SLC26A9: variants seen among roughly 807,000 people sequenced by gnomAD.
SLC26A9 encodes anion transporter/exchanger protein 9.
SLC26A9 carries 46 observed loss-of-function variants against 87.1 expected under a neutral mutation model. The ratio of observed to expected loss-of-function variants is 0.53; its 90% confidence interval spans 0.42 to 0.67. The LOEUF is 0.67. Among genes scored for constraint, SLC26A9 ranks in the 30% least tolerant of loss-of-function variants. The pLI is 0.00. For missense variants in SLC26A9, 927 were observed against 1,018.3 expected, an observed-to-expected ratio of 0.91 and a Z score of 1.22; for synonymous variants, 437 against 409.1, an observed-to-expected ratio of 1.07 and a Z score of -0.82.
At position 205,920,275 on chromosome 1, in the gene SLC26A9, C is replaced by T. The variant is rs576080341; in HGVS notation, c.2056-45G>A. On this transcript the variant is annotated intron_variant, in intron 17 of 20. Coordinates refer to ENST00000367135, the MANE Select transcript of SLC26A9 (RefSeq NM_052934.4). ...AGGGAGGCAAAAGGAAAGGAATGTT[C>T]TGAGTGGGTCTCAAAAGTGATTCAC... 37 of 1,610,640 alleles carry T rather than the reference C, an allele frequency of 2.3e-5. No homozygotes were observed. In the East Asian group the frequency reaches 6.5e-4, roughly 28 times the overall value.
Position 205,915,089 on chromosome 1 carries a change from T to G in SLC26A9, c.*268A>C. The G allele has an allele frequency of 6.2e-7, 1 of 1,613,948 alleles. No homozygotes were observed. Among genetic ancestry groups the G allele is most frequent in the South Asian group, 1.1e-5 (1 of 91,038 alleles). On this transcript the variant is annotated 3_prime_UTR_variant, in exon 21 of 21. Transcript: ENST00000367135. The stretch of plus-strand genomic sequence containing the variant: ...GGTGGGGTGGAGTGAGCAGGAGGCT[T>G]GTCCATTGCGGCCAGGGCCTGACGG...
chr1:205,921,136 T>C (rs1658808887), intron 17 of SLC26A9, among the ~76,000 whole-genome samples: 1 of 152,272 alleles, frequency 6.6e-6, no homozygotes, highest in African/African-American at 2.4e-5. Flanking sequence ...GTGGGCTCTC[T>C]GTTTGGCCTG....
At chr1:205,928,149 G>T in intron 8 of SLC26A9, 100 bp from the exon 9 acceptor site, 1 of 1,416,398 alleles carries the variant, frequency 7.1e-7, no homozygotes. Context: ...CCCCCATGGT[G>T]TGCCGGGATC....
intron 1 of SLC26A9, among the ~76,000 whole-genome samples, chr1:205,938,870 A>G (rs1659624833): frequency 6.6e-6 from 1 of 152,184 alleles, no homozygotes. Context: ...TTTGGGAGGA[A>G]AGCGGCAGGG....
At chr1:205,932,851 T>C (rs1659361345) in intron 3 of SLC26A9, 39 bp from the exon 4 acceptor site, 1 of 1,592,028 alleles carries the variant, frequency 6.3e-7, no homozygotes, top group Admixed American at 1.7e-5. Flanking sequence ...GCAGCATGAC[T>C]AGCTTATGGG....
At chr1:205,935,898 G>T (rs976105532) in intron 1 of SLC26A9, 60 bp from the exon 2 acceptor site, 5 of 1,528,082 alleles carry the variant, frequency 3.3e-6, no homozygotes, top group Non-Finnish European at 4.4e-6. Context: ...GCCAGCCCAG[G>T]CCTTCTCTCT....
intron 16 of SLC26A9, 95 bp downstream of exon 16, chr1:205,922,986 TG>T: frequency 2.0e-6 from 2 of 1,021,538 alleles, no homozygotes; most frequent in Non-Finnish European, 1.5e-6. Flanking sequence ...CCTGTCAGGG[TG>T]GGAAGCGGGG....
In SLC26A9 at chr1:205,941,316, G is replaced by A. The variant is rs147256939; in HGVS notation, c.-19+2049C>T. 4.0e-3 allele frequency among the ~76,000 whole-genome samples: 610 copies of A among 152,130 alleles called. 2 individuals are homozygous for A. Among genetic ancestry groups the A allele is most frequent in the African/African-American group, 0.014 (588 of 41,472 alleles). On this transcript the variant is annotated intron_variant, in intron 1 of 20. Transcript: ENST00000367135. ...CCCTAGGAGCTGGGATTACTGGTGC[G>A]CGCCATGACACCCAGCTAATATTTT...
intron 2 of SLC26A9, among the ~76,000 whole-genome samples, chr1:205,933,521 C>G (rs186454415): frequency 2.6e-5 from 4 of 152,186 alleles, no homozygotes; most frequent in African/African-American, 9.7e-5. Flanking sequence ...GTCTGTCTCT[C>G]CCACTAGGCA....
At chr1:205,933,264 T>A (rs1325661034) in intron 2 of SLC26A9, among the ~76,000 whole-genome samples, 180 bp from the exon 3 acceptor site, 2 of 152,226 alleles carry the variant, frequency 1.3e-5, no homozygotes, top group Non-Finnish European at 2.9e-5. Flanking sequence ...CATCAACTTG[T>A]CCTGGGCATT....
chr1:205,914,901 T>C lies in SLC26A9; in HGVS notation c.*456A>G. On this transcript the variant is annotated 3_prime_UTR_variant, in exon 21 of 21. Coordinates refer to ENST00000367135, the MANE Select transcript of SLC26A9 (RefSeq NM_052934.4). ...CTAACCAAGTTTATCCCTATGTCCG[T>C]GACAGCCTGACACCATCTGACACCG... 6.2e-7 allele frequency: 1 copy of C among 1,611,644 alleles called. No individual in the cohort carries two copies. Among genetic ancestry groups the C allele is most frequent in the Non-Finnish European group, 8.5e-7 (1 of 1,178,516 alleles).
Position 205,921,695 on chromosome 1 carries a change from G to A in SLC26A9, c.1926C>T (p.Ser642=), listed in dbSNP as rs373179649. ...SSPAQSEPPA[S]AEAPGEPSDM... ...CACTGGGCTCGCCGGGGGCCTCAGC[G>A]GAGGCTGGTGGCTCACTCTGGGCAG... The change falls in exon 17 of 21, where the codon TCC becomes TCT. Residue 642 remains serine (S), a synonymous_variant. Coordinates refer to ENST00000367135, the MANE Select transcript of SLC26A9 (RefSeq NM_052934.4). 6.0e-5 allele frequency: 96 copies of A among 1,593,238 alleles called. No individual in the cohort carries two copies. The highest frequency in any genetic ancestry group is 9.4e-5 in the African/African-American group (7 of 74,506).
At chr1:205,932,667 G>C (rs1659352669) in intron 4 of SLC26A9, 35 bp downstream of exon 4, 1 of 1,506,980 alleles carries the variant, frequency 6.6e-7, no homozygotes, top group Middle Eastern at 2.3e-4. Flanking sequence ...TTGGGGTCTG[G>C]GTCATCCTGC....
intron 6 of SLC26A9, 24 bp downstream of exon 6, chr1:205,929,868 G>T (rs1340040720): frequency 6.4e-7 from 1 of 1,569,708 alleles, no homozygotes. Flanking sequence ...TGCTCCAATG[G>T]CAGGGGTGCA....
At chr1:205,938,476 C>A (rs561345575) in intron 1 of SLC26A9, among the ~76,000 whole-genome samples, 114 of 152,258 alleles carry the variant, frequency 7.5e-4, no homozygotes, top group African/African-American at 2.7e-3. Flanking sequence ...GAGGATGAGG[C>A]CCAAACTCCT....
chr1:205,927,127 T>C, intron 11 of SLC26A9, 84 bp downstream of exon 11: 1 of 1,388,894 alleles, frequency 7.2e-7, no homozygotes, highest in Middle Eastern at 1.9e-4. Flanking sequence ...TGGCACTTTG[T>C]GGTCCGTAAA....
At chr1:205,924,693 T>C in intron 12 of SLC26A9, 1 of 532,408 alleles carries the variant, frequency 1.9e-6, no homozygotes, top group South Asian at 2.3e-5. Context: ...TTGACTGTGG[T>C]TGCCTGATCT....
intron 1 of SLC26A9, among the ~76,000 whole-genome samples, chr1:205,936,389 C>T (rs1659509195): frequency 1.3e-5 from 2 of 152,204 alleles, no homozygotes; most frequent in Non-Finnish European, 2.9e-5. Context: ...ACAGGTTTCC[C>T]AGGGGGACAA....
chr1:205,915,201 G>A lies in SLC26A9; in HGVS notation c.*156C>T. 6.2e-7 allele frequency: 1 copy of A among 1,609,912 alleles called. No homozygotes were observed. The highest frequency in any genetic ancestry group is 8.5e-7 in the Non-Finnish European group (1 of 1,177,226). ...GGCTCTCTCTGGAGATGCGGGGAGG[G>A]AAGGAAGGGAGGAGAGAGGGGGAGA... is the stretch of plus-strand genomic sequence containing the variant. On this transcript the variant is annotated 3_prime_UTR_variant, in exon 21 of 21. Coordinates refer to ENST00000367135, the MANE Select transcript of SLC26A9 (RefSeq NM_052934.4).
Sources: allele counts gnomAD v4.1 joint callset (sites outside exome capture counted in the v4.1 genomes callset), GRCh38; gene constraint gnomAD v4.1.1; transcripts MANE v1.5; gene names NCBI Gene and HGNC (gene_info 2026-07-23, HGNC 2026-07-21).